The following CAPN7 variants were observed in gnomAD, a reference collection of about 807,000 sequenced individuals.
The protein encoded by CAPN7 is calpain 7.
CAPN7 carries 72 observed loss-of-function variants against 115.2 expected under a neutral mutation model. The ratio of observed to expected loss-of-function variants is 0.63; its 90% CI spans 0.52 to 0.76. The LOEUF (loss-of-function observed/expected upper bound fraction) is 0.76. Among genes scored for constraint, CAPN7 ranks in the 30% least tolerant of loss-of-function variants. The pLI is 0.00. For missense variants in CAPN7, 905 were observed against 971.5 expected (o/e 0.93, Z 0.91); for synonymous variants, 344 against 322.3 (o/e 1.07, Z -0.72).
intron 12 of CAPN7, among the ~76,000 whole-genome samples, chr3:15,239,341 G>A (rs1042519461): frequency 6.6e-6 from 1 of 152,178 alleles, no homozygotes; most frequent in African/African-American, 2.4e-5. Context: ...TTCCTAAGGT[G>A]ACTGCTTGCA....
chr3:15,239,707 A>T (rs1289882477), intron 12 of CAPN7, among the ~76,000 whole-genome samples: 1 of 152,248 alleles, frequency 6.6e-6, no homozygotes, highest in East Asian at 1.9e-4. Flanking sequence ...CTTCACAGCC[A>T]TCTTCTAGGG....
intron 15 of CAPN7, 48 bp downstream of exon 15, chr3:15,241,636 T>C (rs988302379): frequency 1.2e-5 from 19 of 1,527,952 alleles, no homozygotes; most frequent in Non-Finnish European, 1.5e-5. Context: ...TTTTTTAATA[T>C]AGTTAGAACA....
In CAPN7 at chr3:15,226,081, T is replaced by G. The variant is rs949829640; in HGVS notation, c.726-1758T>G. Among the ~76,000 whole-genome samples, 11 of 150,442 alleles carry G rather than the reference T, an allele frequency of 7.3e-5. No individual in the cohort carries two copies. The South Asian group carries it at 2.3e-3, about 31-fold the overall frequency. On this transcript the variant is annotated intron_variant, in intron 6 of 20. Transcript: ENST00000253693. Reference sequence around the variant, plus strand: ...AATATTATAATTGTAAGTTTTTTTATTTTTTATTTTTTGAGATGGAGTCTC... The same window carrying G: ...AATATTATAATTGTAAGTTTTTTTAGTTTTTATTTTTTGAGATGGAGTCTC...
At position 15,251,431 on chromosome 3, in the gene CAPN7, G is replaced by A; in HGVS notation, c.*171G>A. On this transcript the variant is annotated 3_prime_UTR_variant, in exon 21 of 21. Coordinates refer to ENST00000253693, the MANE Select transcript of CAPN7 (RefSeq NM_014296.3). Reference sequence around the variant, plus strand: ...GGGTGTTTGGTAAGAACTGTATATAGTCAGAATTACCTAAATCACCTAGAG... The same window carrying A: ...GGGTGTTTGGTAAGAACTGTATATAATCAGAATTACCTAAATCACCTAGAG... 3.7e-6 allele frequency: 2 copies of A among 541,050 alleles called. No homozygotes were observed. The highest frequency in any genetic ancestry group is 3.2e-6 in the Non-Finnish European group (1 of 315,638). 33.5% of individuals were successfully genotyped at this position (541,050 alleles called of 1,614,324 possible).
chr3:15,241,488 C>G lies in CAPN7; in HGVS notation c.1688C>G (p.Ala563Gly). ...WDAKQGPVKD[A>G]YSLANNPQYK... is the part of the protein sequence containing the mutation. ...GCTAAGCAAGGACCTGTGAAAGATG[C>G]CTATAGCCTGGCCAACAACCCCCAG... is the stretch of plus-strand genomic sequence containing the variant. The change falls in exon 15 of 21, where the codon GCC becomes GGC. Residue 563 changes from alanine (A) to glycine (G), a missense_variant. Transcript: ENST00000253693. 6.2e-7 allele frequency: 1 copy of G among 1,613,954 alleles called. No homozygotes were observed. Among genetic ancestry groups the G allele is most frequent in the Non-Finnish European group, 8.5e-7 (1 of 1,179,908 alleles).
Position 15,217,484 on chromosome 3 carries a change from C to T in CAPN7, c.271C>T (p.His91Tyr), listed in dbSNP as rs746460305. ...ACATCAGTTGGACTTAGAGCGTGCT[C>T]ATTTCCTTGTTACACAAGCTTTTGA... ...SKHQLDLERA[H>Y]FLVTQAFDED... Residue 91 changes from histidine (H) to tyrosine (Y), a missense_variant, in exon 3 of 21, where the codon CAT (histidine) becomes TAT (tyrosine). Around this residue, in one of 3 missense-constraint regions of CAPN7, gnomAD observed 271 missense variants for 239.6 expected, o/e 1.13. Transcript: ENST00000253693. The T allele has an allele frequency of 1.9e-6, 3 of 1,613,694 alleles. No individual in the cohort carries two copies. The highest frequency in any genetic ancestry group is 2.5e-6 in the Non-Finnish European group (3 of 1,179,816).
chr3:15,208,768 G>C (rs1387722408), intron 1 of CAPN7, among the ~76,000 whole-genome samples: 2 of 152,062 alleles, frequency 1.3e-5, no homozygotes, highest in Non-Finnish European at 1.5e-5. Flanking sequence ...TAAATCAAAG[G>C]GTATGAGCTT....
Position 15,232,643 on chromosome 3 carries a change from A to T in CAPN7, c.1157A>T (p.Tyr386Phe). The T allele has an allele frequency of 1.2e-6, 2 of 1,609,350 alleles. No homozygotes were observed. Among genetic ancestry groups the T allele is most frequent in the Non-Finnish European group, 1.7e-6 (2 of 1,178,362 alleles). The change falls in exon 10 of 21, where the codon TAT (tyrosine) becomes TTT (phenylalanine). Residue 386 changes from tyrosine to phenylalanine, a missense_variant. Coordinates refer to ENST00000253693, the MANE Select transcript of CAPN7 (RefSeq NM_014296.3). ...GCATACATGAAAGTCATGGGAGGAT[A>T]TGATTTTCCAGGATCCAACTCCGTA... ...EKAYMKVMGGYDFPGSNSNID... is the reference protein window; with the variant it reads ...EKAYMKVMGGFDFPGSNSNID...
At position 15,241,541 on chromosome 3, in the gene CAPN7, G is replaced by C. The variant is rs199849909; in HGVS notation, c.1741G>C (p.Gly581Arg). The C allele has an allele frequency of 1.7e-5, 28 of 1,614,088 alleles. No individual in the cohort carries two copies. Among genetic ancestry groups the C allele is most frequent in the African/African-American group, 2.7e-5 (2 of 75,012 alleles). ...QYKLEVQCPQ[G>R]GAAVWVLLSR... ...CAAACTGGAGGTGCAGTGTCCACAG[G>C]GGGGTGCTGCAGTTTGGGTTTTGCT... is the stretch of plus-strand genomic sequence containing the variant. The change falls in exon 15 of 21, where the codon GGG becomes CGG. Residue 581 changes from glycine (G) to arginine (R), a missense_variant. Physicochemically the swap from Gly to Arg is moderately radical, Grantham distance 125. Around this residue, in one of 3 missense-constraint regions of CAPN7, gnomAD observed 620 missense variants for 703.4 expected, o/e 0.88. Transcript: ENST00000253693.
At chr3:15,213,909 T>A (rs1427034425) in intron 2 of CAPN7, among the ~76,000 whole-genome samples, 1 of 149,478 alleles carries the variant, frequency 6.7e-6, no homozygotes, top group East Asian at 2.0e-4. Flanking sequence ...AGGTGGAGTC[T>A]CGTTCTGTCT....
intron 12 of CAPN7, among the ~76,000 whole-genome samples, chr3:15,236,878 G>A (rs1001325613): frequency 2.0e-5 from 3 of 152,180 alleles, no homozygotes; most frequent in African/African-American, 7.2e-5. Context: ...GTTGCTTTGG[G>A]TGAGTGAGTG....
chr3:15,207,379 G>A (rs1221909083), intron 1 of CAPN7, among the ~76,000 whole-genome samples: 1 of 152,216 alleles, frequency 6.6e-6, no homozygotes, highest in Non-Finnish European at 1.5e-5. Context: ...GAGTTGGTGA[G>A]TAGTGGTGAG....
At chr3:15,218,357 T>C in intron 3 of CAPN7, 116 bp from the exon 4 acceptor site, 1 of 688,700 alleles carries the variant, frequency 1.5e-6, no homozygotes, top group Non-Finnish European at 2.5e-6. Context: ...CATCTTTGTT[T>C]GTTCTCAATT....
intron 1 of CAPN7, chr3:15,210,854 G>T (rs770877017): frequency 7.8e-7 from 1 of 1,289,436 alleles, no homozygotes; most frequent in Non-Finnish European, 1.0e-6. Context: ...GTGATGTTCA[G>T]TAGATGGCAT....
intron 19 of CAPN7, among the ~76,000 whole-genome samples, chr3:15,250,450 C>A (rs1401509090): frequency 1.3e-5 from 2 of 152,090 alleles, no homozygotes; most frequent in South Asian, 2.1e-4. Context: ...TGGCAGATCA[C>A]CTGAGGTCAA....
chr3:15,241,366 T>G, intron 14 of CAPN7, 87 bp from the exon 15 acceptor site: 1 of 1,366,640 alleles, frequency 7.3e-7, no homozygotes, highest in Non-Finnish European at 1.0e-6. Flanking sequence ...AAAACTTGGA[T>G]AGCTTAATTC....
Position 15,206,307 on chromosome 3 carries a change from G to A in CAPN7, c.-189G>A. The A allele has an allele frequency of 5.7e-6, 3 of 526,510 alleles. No individual in the cohort carries two copies. The highest frequency in any genetic ancestry group is 3.3e-6 in the Non-Finnish European group (1 of 300,080). The allele number at this position is 526,510 out of a possible 1,614,324, so 32.6% of individuals were successfully genotyped here. A position where few individuals can be genotyped will look rare whatever the true frequency, so the allele number is the denominator to read the frequency against. ...GGGCTACAAGCCGGGTCTGGGCTGA[G>A]GGGCGCGGCTTCGCGGTGGACCCCA... On this transcript the variant is annotated 5_prime_UTR_variant, in exon 1 of 21. Coordinates refer to ENST00000253693, the MANE Select transcript of CAPN7 (RefSeq NM_014296.3).
chr3:15,229,636 C>T (rs1314058029), intron 8 of CAPN7, among the ~76,000 whole-genome samples: 5 of 123,142 alleles, frequency 4.1e-5, no homozygotes, highest in African/African-American at 1.3e-4. Context: ...AGTGCAATGG[C>T]GTGATCTCGG....
At position 15,230,491 on chromosome 3, in the gene CAPN7, G is replaced by T; in HGVS notation, c.988G>T (p.Gly330Trp). 6.2e-7 allele frequency: 1 copy of T among 1,612,944 alleles called. No individual in the cohort carries two copies. The highest frequency in any genetic ancestry group is 1.1e-5 in the South Asian group (1 of 91,028). ...KDGEPEYNPCGKYMVKLHLNG... is the reference protein window; with the variant it reads ...KDGEPEYNPCWKYMVKLHLNG... Reference sequence around the variant, plus strand: ...TGGTGAACCAGAATACAATCCATGTGGGAAGTATATGGTAAAACTTCACCT... The same window carrying T: ...TGGTGAACCAGAATACAATCCATGTTGGAAGTATATGGTAAAACTTCACCT... Residue 330 changes from glycine (G) to tryptophan (W), a missense_variant, in exon 9 of 21, where the codon GGG becomes TGG. Transcript: ENST00000253693.
Sources: gnomAD v4.1 joint callset for allele counts (sites outside exome capture counted in the v4.1 genomes callset) on GRCh38, gnomAD v4.1.1 for gene constraint, gnomAD v4.1.1 regional missense constraint, MANE v1.5 for transcripts, NCBI Gene and HGNC (gene_info 2026-07-23, HGNC 2026-07-21) for gene names.